The following SNTB1 variants were observed in gnomAD, a reference collection of about 807,000 sequenced individuals.
The protein encoded by SNTB1 is syntrophin beta 1, also known as beta-1-syntrophin.
A neutral mutation model predicts 48.9 loss-of-function variants in SNTB1; 36 were observed. That is an observed-to-expected ratio of 0.74 (90% CI 0.56 to 0.97). SNTB1 has a LOEUF of 0.97. Among genes scored for constraint, SNTB1 ranks in the 50% least tolerant of loss-of-function variants. The pLI, the probability that SNTB1 is intolerant of heterozygous loss-of-function variation, is 0.00. For synonymous variants in SNTB1, 299 were observed against 294.6 expected, an observed-to-expected ratio of 1.01 and a Z score of -0.15; for missense variants, 786 against 703.4, an observed-to-expected ratio of 1.12 and a Z score of -1.33.
intron 2 of SNTB1, among the ~76,000 whole-genome samples, chr8:120,648,358 C>T (rs1310778428): frequency 2.6e-5 from 4 of 151,714 alleles, no homozygotes; most frequent in African/African-American, 2.4e-5. Flanking sequence ...GTAAGGCAGG[C>T]CTGGTGGTGA....
intron 4 of SNTB1, among the ~76,000 whole-genome samples, chr8:120,566,890 TAA>T (rs1203717857): frequency 2.0e-5 from 3 of 152,216 alleles, no homozygotes; most frequent in African/African-American, 7.2e-5. Flanking sequence ...TTAGCTGGAA[TAA>T]GAGGCCACCT....
intron 1 of SNTB1, among the ~76,000 whole-genome samples, chr8:120,724,577 GC>G (rs1396130779): frequency 1.3e-5 from 2 of 152,184 alleles, no homozygotes; most frequent in African/African-American, 2.4e-5. Flanking sequence ...AGATTCAGCT[GC>G]AAATTAGCCC....
chr8:120,697,076 T>G (rs1182078512), intron 1 of SNTB1, among the ~76,000 whole-genome samples: 1 of 152,184 alleles, frequency 6.6e-6, no homozygotes, highest in Non-Finnish European at 1.5e-5. Flanking sequence ...ATAACCCAAG[T>G]AACACTCTAA....
rs1291059822 is a variant in SNTB1, at chr8:120,575,157, G to A, written c.1065C>T (p.Ile355=). 1 of 1,614,160 alleles carries A rather than the reference G, an allele frequency of 6.2e-7. No individual in the cohort carries two copies. Among genetic ancestry groups the A allele is most frequent in the Admixed American group, 1.7e-5 (1 of 60,022 alleles). The change falls in exon 4 of 7, where the codon ATC becomes ATT. Residue 355 remains isoleucine (I), a synonymous_variant. Transcript: ENST00000517992. ...LVVLTEKDLL[I]YDSMPRRKEA... ...CCTTCCTCCGTGGCATGCTGTCATA[G>A]ATTAAAAGGTCTTTCTCAGTCAGCA...
In SNTB1 at chr8:120,779,512, G is replaced by GAAATAAAATA. The variant is rs201161763; in HGVS notation, c.571+31751_571+31760dup. ...GTGAGACTCTGTCTCAAAATAAAAT[G>GAAATAAAATA]AAATAAAATAAAATAAAATAAAATT... On this transcript the variant is annotated intron_variant, in intron 1 of 6. Coordinates refer to ENST00000517992, the MANE Select transcript of SNTB1 (RefSeq NM_021021.4). Among the ~76,000 whole-genome samples the GAAATAAAATA allele has an allele frequency of 2.6e-5, 4 of 151,954 alleles. No individual in the cohort carries two copies. The East Asian group carries it at 5.8e-4, about 22-fold the overall frequency.
At chr8:120,685,699 AT>A (rs553965368) in intron 2 of SNTB1, among the ~76,000 whole-genome samples, 1 of 151,952 alleles carries the variant, frequency 6.6e-6, no homozygotes, top group Non-Finnish European at 1.5e-5. Context: ...TCCAGAACAC[AT>A]TTTTTTCATT....
Position 120,811,752 on chromosome 8 carries a change from C to T in SNTB1, c.92G>A (p.Arg31Gln), listed in dbSNP as rs771358341. Residue 31 changes from arginine (R) to glutamine (Q), a missense_variant, in exon 1 of 7, where the codon CGG becomes CAG. By Grantham distance (43) the Arg-to-Gln change is conservative (BLOSUM62 1). Coordinates refer to ENST00000517992, the MANE Select transcript of SNTB1 (RefSeq NM_021021.4). ...CACCAGAACTTTGTGCCAGCGATCC[C>T]GCACCAAAACTTCCAGCAGCCCGCT... is the stretch of plus-strand genomic sequence containing the variant. The part of the protein sequence containing the change: ...QRSGLLEVLV[R>Q]DRWHKVLVNL... 7.1e-6 allele frequency: 11 copies of T among 1,543,966 alleles called. No individual in the cohort carries two copies. The highest frequency in any genetic ancestry group is 7.8e-6 in the Non-Finnish European group (9 of 1,149,032).
chr8:120,735,112 G>A (rs1015069085), intron 1 of SNTB1, among the ~76,000 whole-genome samples: 8 of 152,222 alleles, frequency 5.3e-5, no homozygotes, highest in Non-Finnish European at 2.9e-5. Flanking sequence ...CAAGAGGGCT[G>A]TAGCACAAGT....
At chr8:120,773,520 C>A (rs1442412181) in intron 1 of SNTB1, among the ~76,000 whole-genome samples, 2 of 152,120 alleles carry the variant, frequency 1.3e-5, no homozygotes, top group Admixed American at 1.3e-4. Flanking sequence ...AACTTCCGAA[C>A]ATTTACACTG....
At chr8:120,693,228 G>T (rs1818157326) in intron 2 of SNTB1, among the ~76,000 whole-genome samples, 1 of 152,080 alleles carries the variant, frequency 6.6e-6, no homozygotes, top group Non-Finnish European at 1.5e-5. Context: ...ACCTCTCACT[G>T]GACCCCCATC....
intron 2 of SNTB1, among the ~76,000 whole-genome samples, chr8:120,639,739 T>G (rs572716791): frequency 1.3e-5 from 2 of 152,320 alleles, no homozygotes; most frequent in East Asian, 1.9e-4. Flanking sequence ...TTGGTCTATA[T>G]CTCTGTTTTA....
intron 1 of SNTB1, among the ~76,000 whole-genome samples, chr8:120,702,664 T>C (rs1029063214): frequency 3.3e-5 from 5 of 152,236 alleles, no homozygotes; most frequent in African/African-American, 1.2e-4. Flanking sequence ...GGCACTGGGC[T>C]GATCAGCTTA....
intron 1 of SNTB1, among the ~76,000 whole-genome samples, chr8:120,750,611 T>C (rs1374297496): frequency 6.6e-6 from 1 of 152,124 alleles, no homozygotes; most frequent in Non-Finnish European, 1.5e-5. Flanking sequence ...GGGAGAAAGA[T>C]GCTGCCGAAA....
intron 1 of SNTB1, among the ~76,000 whole-genome samples, chr8:120,765,029 C>T (rs1242718272): frequency 6.6e-6 from 1 of 152,064 alleles, no homozygotes; most frequent in African/African-American, 2.4e-5. Context: ...AGTTTGAGAC[C>T]AGCCTGACCA....
intron 4 of SNTB1, among the ~76,000 whole-genome samples, chr8:120,573,364 G>T (rs187394357): frequency 6.6e-6 from 1 of 151,218 alleles, no homozygotes; most frequent in Non-Finnish European, 1.5e-5. Context: ...CTTCTTTGGA[G>T]AAATGTCTAT....
intron 1 of SNTB1, among the ~76,000 whole-genome samples, chr8:120,805,828 C>T (rs1416807619): frequency 2.6e-5 from 4 of 152,192 alleles, no homozygotes; most frequent in East Asian, 3.8e-4. Flanking sequence ...CATCCCTTAT[C>T]TACTTATCTC....
chr8:120,607,207 T>C (rs1587026083), intron 3 of SNTB1, among the ~76,000 whole-genome samples: 2 of 152,188 alleles, frequency 1.3e-5, no homozygotes, highest in Middle Eastern at 6.8e-3. Context: ...TAAAATGAAG[T>C]ACAAATTCAC....
At chr8:120,693,613 G>T in intron 2 of SNTB1, 79 bp downstream of exon 2, 1 of 1,185,212 alleles carries the variant, frequency 8.4e-7, no homozygotes. Context: ...GAACATGAGG[G>T]CAATCTCGTG....
chr8:120,705,190 G>A lies in SNTB1; in HGVS notation c.572-11282C>T, dbSNP rs1277304997. 3.3e-5 allele frequency among the ~76,000 whole-genome samples: 5 copies of A among 152,334 alleles called. No individual in the cohort carries two copies. In the East Asian group the frequency reaches 9.6e-4, roughly 29 times the overall value. On this transcript the variant is annotated intron_variant, in intron 1 of 6. Coordinates refer to ENST00000517992, the MANE Select transcript of SNTB1 (RefSeq NM_021021.4). ...AAGAGTGACGTGCATAAACTTTGGA[G>A]TCTGACCCTGGGGTCCAATTCCAAG...
Sources: gnomAD v4.1 joint callset for allele counts (sites outside exome capture counted in the v4.1 genomes callset) on GRCh38, gnomAD v4.1.1 for gene constraint, MANE v1.5 for transcripts, NCBI Gene and HGNC (gene_info 2026-07-23, HGNC 2026-07-21) for gene names.